KIAA0825: variants seen among roughly 807,000 people sequenced by gnomAD.
KIAA0825 encodes the protein KIAA0825, also known as uncharacterized protein KIAA0825.
A neutral mutation model predicts 147.6 loss-of-function variants in KIAA0825; 119 were observed. The ratio of observed to expected loss-of-function variants is 0.81; its 90% CI spans 0.69 to 0.94. KIAA0825 has a LOEUF of 0.94. Among genes scored for constraint, KIAA0825 ranks in the 40% least tolerant of loss-of-function variants. KIAA0825 has a pLI of 0.00. For synonymous variants in KIAA0825, 470 were observed against 518.1 expected, an observed-to-expected ratio of 0.91 and a Z score of 1.26; for missense variants, 1,381 against 1,472.7, an observed-to-expected ratio of 0.94 and a Z score of 1.02.
At chr5:94,339,190 T>C (rs1238971227) in intron 20 of KIAA0825, among the ~76,000 whole-genome samples, 1 of 152,162 alleles carries the variant, frequency 6.6e-6, no homozygotes, top group African/African-American at 2.4e-5. Context: ...CCTCATCTTC[T>C]GGGGAAAGCT....
intron 20 of KIAA0825, among the ~76,000 whole-genome samples, chr5:94,294,532 C>T (rs531642008): frequency 2.0e-5 from 3 of 152,190 alleles, no homozygotes; most frequent in Admixed American, 2.0e-4. Flanking sequence ...TTGAGACCAG[C>T]CTGACCAACA....
At chr5:94,194,714 C>G (rs906556265) in intron 20 of KIAA0825, among the ~76,000 whole-genome samples, 7 of 152,146 alleles carry the variant, frequency 4.6e-5, no homozygotes, top group Non-Finnish European at 1.0e-4. Context: ...TTCTCATTCC[C>G]CTAACCTAAA....
intron 20 of KIAA0825, among the ~76,000 whole-genome samples, chr5:94,361,642 A>C (rs1172776625): frequency 6.6e-6 from 1 of 152,218 alleles, no homozygotes; most frequent in Non-Finnish European, 1.5e-5. Flanking sequence ...CCACATTTTC[A>C]GAGTTGTTAT....
At chr5:94,414,327 C>A (rs1339467775) in intron 15 of KIAA0825, 22 of 152,114 alleles carry the variant, frequency 1.4e-4, no homozygotes, top group Admixed American at 1.4e-3. Context: ...TCTTAAAAAC[C>A]AGCTGAGGTA....
intron 1 of KIAA0825, among the ~76,000 whole-genome samples, chr5:94,609,628 A>T (rs1044978636): frequency 2.0e-5 from 3 of 152,144 alleles, no homozygotes; most frequent in Non-Finnish European, 4.4e-5. Flanking sequence ...TCAAAAGAAT[A>T]AGCACTGGCA....
chr5:94,501,203 T>C (rs1395519508), intron 5 of KIAA0825, among the ~76,000 whole-genome samples: 1 of 152,230 alleles, frequency 6.6e-6, no homozygotes, highest in African/African-American at 2.4e-5. Context: ...TATATTGATG[T>C]TTGGGAACAC....
chr5:94,206,588 A>G (rs149894727), intron 20 of KIAA0825, among the ~76,000 whole-genome samples: 7 of 152,224 alleles, frequency 4.6e-5, no homozygotes, highest in Admixed American at 2.0e-4. Flanking sequence ...CTGTATGTTT[A>G]TTCTTATTAT....
intron 2 of KIAA0825, among the ~76,000 whole-genome samples, chr5:94,552,415 T>A (rs897803143): frequency 6.6e-6 from 1 of 152,134 alleles, no homozygotes; most frequent in African/African-American, 2.4e-5. Flanking sequence ...ATAGACCTAA[T>A]AGATATGTAC....
intron 20 of KIAA0825, among the ~76,000 whole-genome samples, chr5:94,338,705 A>T (rs1421135007): frequency 6.6e-6 from 1 of 152,174 alleles, no homozygotes; most frequent in Non-Finnish European, 1.5e-5. Flanking sequence ...ACTATATCAT[A>T]TAGCCTAGGT....
Position 94,575,463 on chromosome 5 carries a change from C to T in KIAA0825, c.-2+6970G>A, listed in dbSNP as rs576403189. Among the ~76,000 whole-genome samples the T allele has an allele frequency of 2.0e-5, 3 of 152,242 alleles. No homozygotes were observed. In the East Asian group the frequency reaches 5.8e-4, roughly 29 times the overall value. On this transcript the variant is annotated intron_variant, in intron 2 of 20. Transcript: ENST00000682413. ...AGTTACAACTCAGAGAAAACCAGGC[C>T]GCTGTTACATGTTCAGGCACAAACA...
chr5:94,524,061 T>A lies in KIAA0825; in HGVS notation c.169A>T (p.Asn57Tyr). ...AGCTGCACACCTGGACATTGTTTGT[T>A]AATTTCGGACTGTATCTCTTTAATG... Reference protein sequence around the residue: ...HCIKEIQSEINKQCPGVQLQT... With the variant: ...HCIKEIQSEIYKQCPGVQLQT... Residue 57 changes from asparagine to tyrosine, a missense_variant, in exon 4 of 21, where the codon AAC becomes TAC. Asn to Tyr is a moderately radical substitution (Grantham distance 143). Transcript: ENST00000682413. The A allele has an allele frequency of 6.2e-7, 1 of 1,609,682 alleles. No individual in the cohort carries two copies. The highest frequency in any genetic ancestry group is 8.5e-7 in the Non-Finnish European group (1 of 1,177,242).
At chr5:94,440,403 C>T (rs923334885) in intron 13 of KIAA0825, among the ~76,000 whole-genome samples, 6 of 152,200 alleles carry the variant, frequency 3.9e-5, no homozygotes, top group East Asian at 3.9e-4. Context: ...TTTTGTTTCA[C>T]GGAGAGAAGA....
intron 20 of KIAA0825, among the ~76,000 whole-genome samples, chr5:94,302,134 T>C (rs2150181045): frequency 6.6e-6 from 1 of 152,104 alleles, no homozygotes; most frequent in East Asian, 1.9e-4. Context: ...CTCTCAATTA[T>C]ACCAAGTCTT....
chr5:94,473,562 G>T, intron 7 of KIAA0825, 43 bp from the exon 8 acceptor site: 1 of 1,191,518 alleles, frequency 8.4e-7, no homozygotes. Flanking sequence ...TCTTAACTCA[G>T]CAACAAATGT....
intron 18 of KIAA0825, among the ~76,000 whole-genome samples, chr5:94,387,267 G>T (rs1443121693): frequency 6.6e-6 from 1 of 152,126 alleles, no homozygotes; most frequent in Non-Finnish European, 1.5e-5. Flanking sequence ...GAGCCAAAAA[G>T]GTATTCAGAC....
In KIAA0825 at chr5:94,508,350, A is replaced by AT. The variant is rs927872309; in HGVS notation, c.970+11897dup. Among the ~76,000 whole-genome samples, 6 of 152,224 alleles carry AT rather than the reference A, an allele frequency of 3.9e-5. No homozygotes were observed. In the South Asian group the frequency reaches 6.2e-4, roughly 16 times the overall value. On this transcript the variant is annotated intron_variant, in intron 5 of 20. Coordinates refer to ENST00000682413, the MANE Select transcript of KIAA0825 (RefSeq NM_001145678.3). ...ATCATCTTCATTACTGCTTGCTAGC[A>AT]TTTTTTTAACAGTTTAATTTGGATA... is the stretch of plus-strand genomic sequence containing the variant.
intron 18 of KIAA0825, among the ~76,000 whole-genome samples, chr5:94,388,433 T>A (rs998076152): frequency 2.6e-5 from 4 of 152,206 alleles, no homozygotes; most frequent in African/African-American, 9.6e-5. Context: ...TTACTAAACA[T>A]TGTTAATGAT....
rs538724881 is a variant in KIAA0825 at position 94,553,721 on chromosome 5, G to A, written c.-1-16594C>T. On this transcript the variant is annotated intron_variant, in intron 2 of 20. Transcript: ENST00000682413. ...GCGGAGGCTGCCGTGCGCCAAGATC[G>A]CGCCATTGCACTCCTTCCTGAGCAA... Among the ~76,000 whole-genome samples, 54 of 149,400 alleles carry A rather than the reference G, an allele frequency of 3.6e-4. No homozygotes were observed. In the East Asian group the frequency reaches 8.5e-3, roughly 24 times the overall value.
intron 14 of KIAA0825, among the ~76,000 whole-genome samples, chr5:94,436,533 A>G (rs1266847158): frequency 6.6e-6 from 1 of 152,086 alleles, no homozygotes; most frequent in Non-Finnish European, 1.5e-5. Context: ...GCCCTGTAGT[A>G]TAGTTTGAAG....
Sources: gnomAD v4.1 joint callset for allele counts (sites outside exome capture counted in the v4.1 genomes callset) on GRCh38, gnomAD v4.1.1 for gene constraint, MANE v1.5 for transcripts, NCBI Gene and HGNC (gene_info 2026-07-23, HGNC 2026-07-21) for gene names.